The following HGSNAT variants were observed in gnomAD, a reference collection of about 807,000 sequenced individuals.
The protein encoded by HGSNAT is heparan-alpha-glucosaminide N-acetyltransferase.
A neutral mutation model predicts 85.2 loss-of-function variants in HGSNAT; 59 were observed. The observed-to-expected ratio is 0.69, with a 90% CI of 0.56 to 0.86. HGSNAT has a LOEUF of 0.86. Ranked by LOEUF, HGSNAT falls within the 40% of genes least tolerant of loss-of-function variation. HGSNAT has a pLI of 0.00. For missense variants in HGSNAT, 756 were observed against 777.1 expected (o/e 0.97, Z 0.32); for synonymous variants, 321 against 304.5 (o/e 1.05, Z -0.56).
intron 14 of HGSNAT, 115 bp from the exon 15 acceptor site, chr8:43,196,833 T>C: frequency 1.4e-6 from 1 of 702,290 alleles, no homozygotes; most frequent in Non-Finnish European, 2.5e-6. Flanking sequence ...TCCCAGCACC[T>C]AGTAGCGTGC....
intron 15 of HGSNAT, 142 bp from the exon 16 acceptor site, chr8:43,197,524 ATATGTT>A (rs1375849243): frequency 1.4e-5 from 9 of 636,038 alleles, no homozygotes; most frequent in Non-Finnish European, 2.2e-5. Context: ...ATTTAAAAAA[ATATGTT>A]TCCATTTAAA....
chr8:43,165,797 A>G (rs755885923), intron 5 of HGSNAT, among the ~76,000 whole-genome samples: 6 of 152,060 alleles, frequency 3.9e-5, no homozygotes, highest in African/African-American at 1.2e-4. Context: ...TTAGCTGGGC[A>G]TGGTGTTGCA....
At chr8:43,156,233 A>AT (rs1465437571) in intron 2 of HGSNAT, among the ~76,000 whole-genome samples, 1 of 152,090 alleles carries the variant, frequency 6.6e-6, no homozygotes, top group Admixed American at 6.5e-5. Context: ...TTGTGCTTCC[A>AT]TTTTCATATG....
intron 11 of HGSNAT, among the ~76,000 whole-genome samples, chr8:43,190,773 A>G (rs1804501038): frequency 6.6e-6 from 1 of 152,222 alleles, no homozygotes; most frequent in African/African-American, 2.4e-5. Flanking sequence ...TTTACGTACC[A>G]TAAAACTCCC....
intron 9 of HGSNAT, among the ~76,000 whole-genome samples, chr8:43,174,734 C>T (rs1803749580): frequency 6.6e-6 from 1 of 152,076 alleles, no homozygotes; most frequent in African/African-American, 2.4e-5. Flanking sequence ...GGGGTACCCA[C>T]CCCCTCAGGC....
intron 1 of HGSNAT, among the ~76,000 whole-genome samples, chr8:43,141,941 A>G (rs1802563975): frequency 1.3e-5 from 2 of 152,206 alleles, no homozygotes; most frequent in Non-Finnish European, 2.9e-5. Flanking sequence ...AATAGTAATC[A>G]CACGTAGTGA....
intron 7 of HGSNAT, among the ~76,000 whole-genome samples, chr8:43,171,847 A>T (rs569405350): frequency 1.3e-5 from 2 of 152,204 alleles, no homozygotes; most frequent in Non-Finnish European, 2.9e-5. Flanking sequence ...TCTTTTACAG[A>T]TGAGCACACT....
chr8:43,189,478 T>C (rs770280741), intron 11 of HGSNAT, among the ~76,000 whole-genome samples: 3 of 152,128 alleles, frequency 2.0e-5, no homozygotes, highest in East Asian at 1.9e-4. Flanking sequence ...GTTAAGACCA[T>C]TGGAAAAGTG....
intron 1 of HGSNAT, 90 bp downstream of exon 1, chr8:43,140,704 G>T: frequency 1.7e-6 from 1 of 595,770 alleles, no homozygotes; most frequent in Non-Finnish European, 2.2e-6. Context: ...GCGCGGCGCC[G>T]AGCGCTAGGC....
rs960767770 is a variant in HGSNAT at position 43,158,516 on chromosome 8, A to G, written c.235-59A>G. On this transcript the variant is annotated intron_variant, in intron 2 of 17. Transcript: ENST00000379644. The stretch of plus-strand genomic sequence containing the variant: ...CTCCAGTTGGATATTTATGTCCTCC[A>G]GCAATCAACAGATGTTGAAAAACCT... The G allele has an allele frequency of 7.5e-6, 12 of 1,589,582 alleles. No individual in the cohort carries two copies. In the South Asian group the frequency reaches 1.2e-4, roughly 16 times the overall value.
At chr8:43,184,431 C>T (rs1233957303) in intron 11 of HGSNAT, among the ~76,000 whole-genome samples, 1 of 152,118 alleles carries the variant, frequency 6.6e-6, no homozygotes, top group Non-Finnish European at 1.5e-5. Context: ...GCATAAATGT[C>T]TTCTTTTGAG....
chr8:43,191,321 A>C (rs1237409665), intron 11 of HGSNAT, among the ~76,000 whole-genome samples, 153 bp from the exon 12 acceptor site: 1 of 152,172 alleles, frequency 6.6e-6, no homozygotes, highest in Non-Finnish European at 1.5e-5. Flanking sequence ...ATGGAGAGGG[A>C]ACATCTGGAG....
intron 1 of HGSNAT, among the ~76,000 whole-genome samples, chr8:43,141,200 G>A (rs1341039252): frequency 2.0e-5 from 3 of 152,170 alleles, no homozygotes; most frequent in Admixed American, 6.5e-5. Context: ...CCGCGGAGAA[G>A]GCGGTGGGGG....
At chr8:43,154,100 C>A (rs1259187502) in intron 2 of HGSNAT, among the ~76,000 whole-genome samples, 1 of 151,974 alleles carries the variant, frequency 6.6e-6, no homozygotes, top group Non-Finnish European at 1.5e-5. Context: ...ATTGTAGAAT[C>A]CAGGCCAGGG....
Position 43,140,634 on chromosome 8 carries a change from C to T in HGSNAT, c.118+20C>T, listed in dbSNP as rs1802485942. ...CACGAGGTGAGTGCACACCTCCTAC[C>T]GCCGCCCGGCCGGCTACGAGCGCAG... On this transcript the variant is annotated intron_variant, in intron 1 of 17. Coordinates refer to ENST00000379644, the MANE Select transcript of HGSNAT (RefSeq NM_152419.3). The T allele has an allele frequency of 6.9e-6, 8 of 1,161,614 alleles. No individual in the cohort carries two copies. The highest frequency in any genetic ancestry group is 8.7e-6 in the Non-Finnish European group (8 of 917,722). 72.0% of individuals were successfully genotyped at this position (1,161,614 alleles called of 1,614,324 possible). A position where few individuals can be genotyped will look rare whatever the true frequency, so the allele number is the denominator to read the frequency against.
At chr8:43,192,573 T>G in intron 13 of HGSNAT, 143 bp downstream of exon 13, 1 of 942,032 alleles carries the variant, frequency 1.1e-6, no homozygotes, top group Non-Finnish European at 1.5e-6. Flanking sequence ...TCAGCTAACT[T>G]AATGACTTTA....
At chr8:43,170,720 T>C (rs1289480988) in intron 7 of HGSNAT, 26 bp downstream of exon 7, 1 of 1,443,076 alleles carries the variant, frequency 6.9e-7, no homozygotes, top group Admixed American at 2.0e-5. Flanking sequence ...TGTAGCACAG[T>C]GGGTGCAGGT....
chr8:43,163,460 T>G (rs1172375040), intron 5 of HGSNAT, among the ~76,000 whole-genome samples: 1 of 151,558 alleles, frequency 6.6e-6, no homozygotes. Context: ...GCAACAAGCA[T>G]GAACAAGAAA....
chr8:43,140,677 G>C (rs980022653), intron 1 of HGSNAT, 63 bp downstream of exon 1: 3 of 831,798 alleles, frequency 3.6e-6, no homozygotes, highest in African/African-American at 3.7e-5. Flanking sequence ...TCTCCGCGGC[G>C]CCGCCCCTAT....
Sources: gnomAD v4.1 joint callset for allele counts (sites outside exome capture counted in the v4.1 genomes callset) on GRCh38, gnomAD v4.1.1 for gene constraint, MANE v1.5 for transcripts, NCBI Gene and HGNC (gene_info 2026-07-23, HGNC 2026-07-21) for gene names.